PXK: variants seen among roughly 807,000 people sequenced by gnomAD.
PXK encodes PX domain-containing protein kinase-like protein.
PXK carries 35 observed loss-of-function variants against 84.7 expected under a neutral mutation model. The ratio of observed to expected loss-of-function variants is 0.41; its 90% confidence interval spans 0.32 to 0.55. PXK has a LOEUF of 0.55. PXK is among the 20% of genes least tolerant of loss of function. PXK has a pLI of 0.21. For synonymous variants in PXK, 253 were observed against 260.8 expected (o/e 0.97, Z 0.29); for missense variants, 634 against 699.7 (o/e 0.91, Z 1.06).
rs2098526450 is a variant in PXK at position 58,383,706 on chromosome 3, T to G, written c.388+1006T>G. ...ACTAAATACTTAATACATTCTGGTGTCACTTTGAAAAGAACAGTAGAAACC... is the reference window on the plus strand; with the variant it reads ...ACTAAATACTTAATACATTCTGGTGGCACTTTGAAAAGAACAGTAGAAACC... On this transcript the variant is annotated intron_variant, in intron 4 of 17. Coordinates refer to ENST00000356151, the MANE Select transcript of PXK (RefSeq NM_017771.5). This position sits in a 1 kb window ranked among gnomAD's most constrained non-coding sequence, Gnocchi z 4.0. 6.6e-6 allele frequency among the ~76,000 whole-genome samples: 1 copy of G among 152,216 alleles called. No individual in the cohort carries two copies. Among genetic ancestry groups the G allele is most frequent in the Non-Finnish European group, 1.5e-5 (1 of 68,036 alleles).
Position 58,398,257 on chromosome 3 carries a change from T to G in PXK, c.1102+535T>G, listed in dbSNP as rs1236414901. 3.3e-5 allele frequency among the ~76,000 whole-genome samples: 5 copies of G among 152,104 alleles called. No homozygotes were observed. The highest frequency in any genetic ancestry group is 4.8e-5 in the African/African-American group (2 of 41,424). The stretch of plus-strand genomic sequence containing the variant: ...CTGTACTAAAATTACAAAAATTAGC[T>G]GGGCGTGGAGGTGCATGCCTGTAAT... On this transcript the variant is annotated intron_variant, in intron 11 of 17. Transcript: ENST00000356151. The surrounding 1 kb of genome is among the most constrained non-coding windows in gnomAD (Gnocchi z 4.5).
rs908001717 is a variant in PXK, at chr3:58,385,893, G to A, written c.388+3193G>A. ...CCAGCTTCATTTCAGCAGGATTTGAGTTCTGTGTTCAAGTGGTGGCCAGAA... is the reference window on the plus strand; with the variant it reads ...CCAGCTTCATTTCAGCAGGATTTGAATTCTGTGTTCAAGTGGTGGCCAGAA... On this transcript the variant is annotated intron_variant, in intron 4 of 17. Transcript: ENST00000356151. This position sits in a 1 kb window ranked among gnomAD's most constrained non-coding sequence, Gnocchi z 5.1. Among the ~76,000 whole-genome samples, 1 of 152,220 alleles carries A rather than the reference G, an allele frequency of 6.6e-6. No individual in the cohort carries two copies. Among genetic ancestry groups the A allele is most frequent in the South Asian group, 2.1e-4 (1 of 4,834 alleles).
Position 58,421,681 on chromosome 3 carries a change from C to G in PXK, c.1529-3071C>G. On this transcript the variant is annotated intron_variant, in intron 17 of 17. Coordinates refer to ENST00000356151, the MANE Select transcript of PXK (RefSeq NM_017771.5). This position sits in a 1 kb window ranked among gnomAD's most constrained non-coding sequence, Gnocchi z 5.5. ...TTCCTCCCTAGATCTGACCTACGCT[C>G]TCCCTGCAGCATTCTCTGCCCTCTG... 1.0e-6 allele frequency: 1 copy of G among 988,290 alleles called. No homozygotes were observed. Among genetic ancestry groups the G allele is most frequent in the South Asian group, 4.7e-5 (1 of 21,382 alleles). 61.2% of individuals were successfully genotyped at this position (988,290 alleles called of 1,614,324 possible).
chr3:58,423,426 T>C, intron 17 of PXK: 1 of 1,523,292 alleles, frequency 6.6e-7, no homozygotes, highest in Non-Finnish European at 8.8e-7. Flanking sequence ...TTGCAGAGCA[T>C]GAGCGTGTGT....
At chr3:58,358,368 A>G (rs1256045236) in intron 1 of PXK, among the ~76,000 whole-genome samples, 1 of 152,164 alleles carries the variant, frequency 6.6e-6, no homozygotes, top group Non-Finnish European at 1.5e-5. Context: ...ATGTTCCTTT[A>G]CAGGGGAAAT....
intron 16 of PXK, among the ~76,000 whole-genome samples, chr3:58,410,586 G>A (rs1369687361): frequency 6.6e-6 from 1 of 152,336 alleles, no homozygotes; most frequent in Middle Eastern, 3.4e-3. Flanking sequence ...GAAAGGACTC[G>A]ATGGTGTGTG....
intron 1 of PXK, among the ~76,000 whole-genome samples, chr3:58,336,079 T>A (rs1244750426): frequency 6.1e-3 from 506 of 83,534 alleles, no homozygotes; most frequent in African/African-American, 0.02. Context: ...ATATTTTTTT[T>A]TTTTTTTTTT....
intron 1 of PXK, among the ~76,000 whole-genome samples, chr3:58,353,523 G>C (rs1341232539): frequency 1.3e-5 from 2 of 152,184 alleles, no homozygotes; most frequent in East Asian, 3.9e-4. Context: ...ATCTGCAGAT[G>C]AAACGACAGT....
In PXK at chr3:58,382,636, C is replaced by G. The variant is rs1269322512; in HGVS notation, c.324C>G (p.Ile108Met). The change falls in exon 4 of 18, where the codon ATC becomes ATG. Residue 108 changes from isoleucine (I) to methionine (M), a missense_variant. Ile to Met is a conservative substitution (Grantham distance 10). Around this residue, in one of 3 missense-constraint regions of PXK, gnomAD observed 353 missense variants for 385.2 expected, o/e 0.92. Transcript: ENST00000356151. ...TCAACGTGATCACAACAAATCATAT[C>G]TTGTCTAATTGTGAGCTGGTTAAGA... ...NYLNVITTNHILSNCELVKKF... is the reference protein window; with the variant it reads ...NYLNVITTNHMLSNCELVKKF... 3 of 1,599,934 alleles carry G rather than the reference C, an allele frequency of 1.9e-6. No homozygotes were observed. The highest frequency in any genetic ancestry group is 2.6e-6 in the Non-Finnish European group (3 of 1,175,724).
At chr3:58,351,395 T>TTTTTTGTGTG (rs542281716) in intron 1 of PXK, among the ~76,000 whole-genome samples, 1 of 140,582 alleles carries the variant, frequency 7.1e-6, no homozygotes, top group South Asian at 2.4e-4. Context: ...AGCTAGCTAT[T>TTTTTTGTGTG]TGTGTGTGTG....
intron 2 of PXK, among the ~76,000 whole-genome samples, chr3:58,367,768 G>A (rs538844508): frequency 2.6e-5 from 4 of 152,032 alleles, no homozygotes; most frequent in South Asian, 4.2e-4. Context: ...CTTCAGCCTC[G>A]ACCTCCTGGG....
chr3:58,420,657 T>G (rs2061691951), intron 17 of PXK: 2 of 1,527,570 alleles, frequency 1.3e-6, no homozygotes, highest in African/African-American at 2.7e-5. Context: ...ATTGCTGAAG[T>G]GATGAACAAG....
Position 58,390,687 on chromosome 3 carries a change from A to T in PXK, c.466+28A>T. 1 of 1,590,076 alleles carries T rather than the reference A, an allele frequency of 6.3e-7. No homozygotes were observed. The highest frequency in any genetic ancestry group is 8.6e-7 in the Non-Finnish European group (1 of 1,161,782). On this transcript the variant is annotated intron_variant, in intron 5 of 17. Transcript: ENST00000356151. The surrounding 1 kb of genome is among the most constrained non-coding windows in gnomAD (Gnocchi z 4.2). ...GAGACATTGGCACGCTCATTCTGTT[A>T]AAAAGACAGATCACAGAACTGGATC...
intron 13 of PXK, among the ~76,000 whole-genome samples, chr3:58,405,818 CTGT>C (rs2059313078): frequency 6.6e-6 from 1 of 151,686 alleles, no homozygotes; most frequent in Admixed American, 6.6e-5. Flanking sequence ...ACAAACTGGG[CTGT>C]TGTTTGGAAT....
intron 1 of PXK, among the ~76,000 whole-genome samples, chr3:58,340,184 G>A (rs1452572628): frequency 3.3e-5 from 5 of 150,720 alleles, no homozygotes; most frequent in African/African-American, 1.2e-4. Flanking sequence ...GCAGTGTGGA[G>A]TAATCTTGGC....
Position 58,421,310 on chromosome 3 carries a change from A to G in PXK, c.1529-3442A>G. The G allele has an allele frequency of 1.0e-6, 1 of 985,058 alleles. No individual in the cohort carries two copies. Among genetic ancestry groups the G allele is most frequent in the South Asian group, 4.7e-5 (1 of 21,266 alleles). The allele number at this position is 985,058 out of a possible 1,614,324, so 61.0% of individuals were successfully genotyped here. ...GTCGGTGGGGAAGGGAGCCAGGCGC[A>G]GTGGCTCACATCTATAATCTCAGCA... is the stretch of plus-strand genomic sequence containing the variant. On this transcript the variant is annotated intron_variant, in intron 17 of 17. Transcript: ENST00000356151. The surrounding 1 kb of genome is among the most constrained non-coding windows in gnomAD (Gnocchi z 5.5).
At chr3:58,386,122 A>G (rs2098548543) in intron 4 of PXK, among the ~76,000 whole-genome samples, 3 of 151,930 alleles carry the variant, frequency 2.0e-5, no homozygotes, top group South Asian at 4.2e-4. Context: ...AGAAGAGCCA[A>G]TCCTCAGAAA....
rs931413871 is a variant in PXK, at chr3:58,411,331, T to C, written c.1465+1172T>C. Among the ~76,000 whole-genome samples, 2 of 152,160 alleles carry C rather than the reference T, an allele frequency of 1.3e-5. No individual in the cohort carries two copies. Among genetic ancestry groups the C allele is most frequent in the Non-Finnish European group, 1.5e-5 (1 of 68,022 alleles). ...CTCCAGAAGGAGAGTGAGAGTCACA[T>C]TGACACCACTGCAGAGTCCAGACTG... On this transcript the variant is annotated intron_variant, in intron 16 of 17. Coordinates refer to ENST00000356151, the MANE Select transcript of PXK (RefSeq NM_017771.5). This position sits in a 1 kb window ranked among gnomAD's most constrained non-coding sequence, Gnocchi z 4.2.
rs2098522215 is a variant in PXK at position 58,383,304 on chromosome 3, A to G, written c.388+604A>G. Among the ~76,000 whole-genome samples the G allele has an allele frequency of 6.6e-6, 1 of 152,116 alleles. No individual in the cohort carries two copies. Among genetic ancestry groups the G allele is most frequent in the Non-Finnish European group, 1.5e-5 (1 of 68,016 alleles). The stretch of plus-strand genomic sequence containing the variant: ...AAGACTCTGTCTTAAAAAGATAATA[A>G]TAATAATAATTAATCCACAATAACG... On this transcript the variant is annotated intron_variant, in intron 4 of 17. Transcript: ENST00000356151. The surrounding 1 kb of genome is among the most constrained non-coding windows in gnomAD (Gnocchi z 4.0).
Sources: allele counts gnomAD v4.1 joint callset (sites outside exome capture counted in the v4.1 genomes callset), GRCh38; gene constraint gnomAD v4.1.1; regional missense constraint gnomAD v4.1.1; non-coding constraint Gnocchi (gnomAD v3.1); transcripts MANE v1.5; gene names NCBI Gene and HGNC (gene_info 2026-07-23, HGNC 2026-07-21).